SDK1: variants seen among roughly 807,000 people sequenced by gnomAD.
SDK1 encodes sidekick cell adhesion molecule 1, also known as protein sidekick-1.
SDK1 carries 157 observed loss-of-function variants against 245.5 expected under a neutral mutation model. The ratio of observed to expected loss-of-function variants is 0.64; its 90% CI spans 0.56 to 0.73. The LOEUF is 0.73. Ranked by LOEUF, SDK1 falls within the 30% of genes least tolerant of loss-of-function variation. SDK1 has a pLI of 0.00. For synonymous variants in SDK1, 1,647 were observed against 1,278.5 expected, an observed-to-expected ratio of 1.29 and a Z score of -6.15; for missense variants, 3,583 against 3,002.3, an observed-to-expected ratio of 1.19 and a Z score of -4.52.
intron 4 of SDK1, among the ~76,000 whole-genome samples, chr7:3,668,497 C>G (rs939069057): frequency 3.9e-5 from 6 of 152,186 alleles, no homozygotes; most frequent in Admixed American, 3.9e-4. Flanking sequence ...TGCCTTGGGC[C>G]TGGTGCAGTG....
intron 16 of SDK1, among the ~76,000 whole-genome samples, chr7:4,016,970 T>C (rs752973240): frequency 1.3e-5 from 2 of 152,238 alleles, no homozygotes; most frequent in Non-Finnish European, 2.9e-5. Context: ...CATTTTGCCT[T>C]GAGCTTATAA....
intron 1 of SDK1, among the ~76,000 whole-genome samples, chr7:3,446,818 C>T (rs930029021): frequency 6.6e-6 from 1 of 152,138 alleles, no homozygotes; most frequent in African/African-American, 2.4e-5. Context: ...GATTACTGAA[C>T]AGTCAAGTGG....
intron 4 of SDK1, among the ~76,000 whole-genome samples, chr7:3,739,343 G>A (rs948078545): frequency 6.6e-6 from 1 of 152,050 alleles, no homozygotes; most frequent in Non-Finnish European, 1.5e-5. Context: ...ATTAAATTTG[G>A]TAAGTTTACT....
intron 5 of SDK1, among the ~76,000 whole-genome samples, chr7:3,892,961 C>T (rs1010491035): frequency 6.6e-6 from 1 of 152,168 alleles, no homozygotes; most frequent in Admixed American, 6.5e-5. Flanking sequence ...TGGCAGGGAA[C>T]AGGCTGCCTT....
chr7:4,166,419 C>T (rs1232363191), intron 32 of SDK1, among the ~76,000 whole-genome samples: 1 of 152,266 alleles, frequency 6.6e-6, no homozygotes, highest in Non-Finnish European at 1.5e-5. Flanking sequence ...ACGAAACTAA[C>T]TCTGGCCAGA....
chr7:4,021,793 G>A (rs1000367125), intron 17 of SDK1, among the ~76,000 whole-genome samples: 14 of 152,186 alleles, frequency 9.2e-5, no homozygotes, highest in Non-Finnish European at 1.9e-4. Flanking sequence ...CCTTCCAGCT[G>A]GGCACATATC....
At chr7:4,232,889 A>G (rs1170014561) in intron 40 of SDK1, 1 of 162,468 alleles carries the variant, frequency 6.2e-6, no homozygotes, top group East Asian at 1.7e-4. Flanking sequence ...TTTTAAATTT[A>G]TTAATGGCTT....
chr7:3,814,880 G>C (rs2115052037), intron 4 of SDK1, among the ~76,000 whole-genome samples: 1 of 152,118 alleles, frequency 6.6e-6, no homozygotes, highest in Non-Finnish European at 1.5e-5. Flanking sequence ...AAGCAATTGT[G>C]AATGGGAGTT....
intron 1 of SDK1, among the ~76,000 whole-genome samples, chr7:3,431,681 GA>G (rs1479938936): frequency 6.6e-6 from 1 of 152,150 alleles, no homozygotes; most frequent in Non-Finnish European, 1.5e-5. Flanking sequence ...TGGACTAAGG[GA>G]GGATGGGGAG....
intron 1 of SDK1, among the ~76,000 whole-genome samples, chr7:3,581,000 A>C (rs1000288481): frequency 2.2e-5 from 2 of 91,794 alleles, no homozygotes; most frequent in Non-Finnish European, 4.7e-5. Context: ...AAAAACCAAA[A>C]CAAAACCCTG....
At chr7:3,419,981 G>A (rs541941959) in intron 1 of SDK1, among the ~76,000 whole-genome samples, 1 of 152,274 alleles carries the variant, frequency 6.6e-6, no homozygotes, top group Non-Finnish European at 1.5e-5. Flanking sequence ...AATGAGAAAT[G>A]CACCCAACCT....
intron 44 of SDK1, among the ~76,000 whole-genome samples, chr7:4,260,650 GGGTGTGTGGGAAGATGTGTTCAT>G (rs1787934881): frequency 6.7e-6 from 1 of 148,520 alleles, no homozygotes; most frequent in African/African-American, 2.5e-5. Context: ...CGGGGTCTCT[GGGTGTGTGGGAAGATGTGTTCAT>G]CGTCACCTGA....
intron 5 of SDK1, among the ~76,000 whole-genome samples, chr7:3,821,996 T>C (rs1276102676): frequency 6.6e-6 from 1 of 152,296 alleles, no homozygotes; most frequent in Non-Finnish European, 1.5e-5. Flanking sequence ...ACCTATTAAG[T>C]TGTACGAAAA....
chr7:3,817,140 C>T (rs1332261807), intron 4 of SDK1, among the ~76,000 whole-genome samples: 2 of 152,118 alleles, frequency 1.3e-5, no homozygotes, highest in Non-Finnish European at 2.9e-5. Context: ...TAACCAAAGA[C>T]AATTTATATT....
At chr7:3,639,649 A>C (rs1463379435) in intron 3 of SDK1, among the ~76,000 whole-genome samples, 2 of 152,198 alleles carry the variant, frequency 1.3e-5, no homozygotes, top group Non-Finnish European at 2.9e-5. Flanking sequence ...GGAGATATCA[A>C]GAATGCAGGA....
intron 35 of SDK1, among the ~76,000 whole-genome samples, chr7:4,186,181 C>G (rs771841568): frequency 2.0e-5 from 3 of 152,226 alleles, no homozygotes; most frequent in Non-Finnish European, 4.4e-5. Flanking sequence ...TATGAATCCA[C>G]GCTGACCGAA....
At chr7:3,918,750 A>G (rs552717687) in intron 5 of SDK1, among the ~76,000 whole-genome samples, 3 of 152,270 alleles carry the variant, frequency 2.0e-5, no homozygotes, top group South Asian at 2.1e-4. Context: ...AGACACCTGC[A>G]TGCCACTCAG....
At chr7:3,983,852 T>C (rs1783607836) in intron 13 of SDK1, among the ~76,000 whole-genome samples, 1 of 152,104 alleles carries the variant, frequency 6.6e-6, no homozygotes, top group African/African-American at 2.4e-5. Context: ...TCACACTGAG[T>C]GTGACTTTGA....
intron 1 of SDK1, among the ~76,000 whole-genome samples, chr7:3,576,000 G>A (rs1780275674): frequency 6.6e-6 from 1 of 151,958 alleles, no homozygotes; most frequent in South Asian, 2.1e-4. Context: ...TGTGAAATAT[G>A]TTTGTTTACC....
Sources: gnomAD v4.1 joint callset for allele counts (sites outside exome capture counted in the v4.1 genomes callset) on GRCh38, gnomAD v4.1.1 for gene constraint, MANE v1.5 for transcripts, NCBI Gene and HGNC (gene_info 2026-07-23, HGNC 2026-07-21) for gene names.